AEBP2: variants seen among roughly 807,000 people sequenced by gnomAD.
AEBP2 encodes AE binding protein 2, also known as zinc finger protein AEBP2.
A neutral mutation model predicts 50.8 loss-of-function variants in AEBP2; 10 were observed. The ratio of observed to expected loss-of-function variants is 0.20; its 90% CI spans 0.12 to 0.33. The LOEUF (loss-of-function observed/expected upper bound fraction) is 0.33. AEBP2 is among the 10% of genes least tolerant of loss of function. The pLI is 1.00. For synonymous variants in AEBP2, 296 were observed against 261.3 expected (o/e 1.13, Z -1.28); for missense variants, 570 against 688.0 (o/e 0.83, Z 1.92).
intron 5 of AEBP2, among the ~76,000 whole-genome samples, chr12:19,505,293 A>T (rs1263111427): frequency 6.6e-6 from 1 of 152,236 alleles, no homozygotes; most frequent in African/African-American, 2.4e-5. Flanking sequence ...AGAGTGTGGC[A>T]TCAGAGCTAG....
At chr12:19,476,233 T>C (rs1288864011) in intron 3 of AEBP2, among the ~76,000 whole-genome samples, 1 of 152,232 alleles carries the variant, frequency 6.6e-6, no homozygotes, top group East Asian at 1.9e-4. Flanking sequence ...TTGAGTTGAT[T>C]TTTGTATAAG....
intron 2 of AEBP2, among the ~76,000 whole-genome samples, chr12:19,468,324 CTT>C (rs548002864): frequency 9.9e-5 from 15 of 152,186 alleles, no homozygotes; most frequent in African/African-American, 2.6e-4. Flanking sequence ...TGGTGTCTCT[CTT>C]TTCTTTTTGT....
In AEBP2 at chr12:19,440,002, G is replaced by C. The variant is rs976348631; in HGVS notation, c.303G>C (p.Glu101Asp). The change falls in exon 1 of 8, where the codon GAG (glutamate) becomes GAC (aspartate). Residue 101 changes from glutamate to aspartate, a missense_variant. Physicochemically the swap from Glu to Asp is conservative, Grantham distance 45 (BLOSUM62 2). Coordinates refer to ENST00000266508, the MANE Select transcript of AEBP2 (RefSeq NM_153207.5). ...CCGGGGAGGACGAAGACGAGGAGGA[G>C]GACGACGAGGAGGAGGAAGATGAGA... is the stretch of plus-strand genomic sequence containing the variant. The part of the protein sequence containing the change: ...SQAGEDEDEE[E>D]DDEEEEDESS... 3.0e-5 allele frequency: 46 copies of C among 1,525,390 alleles called. No individual in the cohort carries two copies. The highest frequency in any genetic ancestry group is 2.7e-4 in the African/African-American group (19 of 70,266). 94.5% of individuals were successfully genotyped at this position (1,525,390 alleles called of 1,614,324 possible).
rs767614086 is a variant in AEBP2 at position 19,493,845 on chromosome 12, C to T, written c.1033C>T (p.Leu345=). The change falls in exon 4 of 8, where the codon CTA becomes TTA. Residue 345 remains leucine (L), a synonymous_variant. Transcript: ENST00000266508. ...TGCCAGCTTTGCTTCTCAGGGAGGG[C>T]TAGCTCGTCATGTACCCACACACTT... is the stretch of plus-strand genomic sequence containing the variant. The part of the protein sequence containing the change: ...CNASFASQGG[L]ARHVPTHFSQ... The T allele has an allele frequency of 1.9e-6, 3 of 1,613,712 alleles. No individual in the cohort carries two copies. The highest frequency in any genetic ancestry group is 2.5e-6 in the Non-Finnish European group (3 of 1,179,852).
intron 1 of AEBP2, among the ~76,000 whole-genome samples, chr12:19,455,190 G>C (rs148602570): frequency 3.3e-5 from 5 of 151,414 alleles, no homozygotes; most frequent in African/African-American, 4.8e-5. Flanking sequence ...ACAGGGTCTT[G>C]CTATGTTGCC....
chr12:19,465,231 A>G (rs1368800818), intron 2 of AEBP2, among the ~76,000 whole-genome samples: 1 of 151,660 alleles, frequency 6.6e-6, no homozygotes, highest in African/African-American at 2.4e-5. Context: ...CGTCTCTACT[A>G]AAAAATACAA....
chr12:19,426,039 G>T (rs564005601), intron 1 of AEBP2, among the ~76,000 whole-genome samples: 1 of 152,032 alleles, frequency 6.6e-6, no homozygotes, highest in Non-Finnish European at 1.5e-5. Flanking sequence ...TGGCTCAAGC[G>T]ATCCTCCCAC....
At position 19,518,423 on chromosome 12, in the gene AEBP2, T is replaced by TGCTGCTTTAA. The variant is rs1949350993; in HGVS notation, c.*315_*324dup. On this transcript the variant is annotated 3_prime_UTR_variant, in exon 8 of 8. Coordinates refer to ENST00000266508, the MANE Select transcript of AEBP2 (RefSeq NM_153207.5). ...CAGCTTCTTAAAGGCTTTGCATGCT[T>TGCTGCTTTAA]GCTGCTTTAAGCTGCTTTTTTTTTT... The TGCTGCTTTAA allele has an allele frequency of 8.1e-7, 1 of 1,234,604 alleles. No individual in the cohort carries two copies. The highest frequency in any genetic ancestry group is 1.6e-5 in the African/African-American group (1 of 64,470). 76.5% of individuals were successfully genotyped at this position (1,234,604 alleles called of 1,614,324 possible).
intron 1 of AEBP2, among the ~76,000 whole-genome samples, chr12:19,420,640 T>A (rs1022219686): frequency 6.6e-6 from 1 of 152,316 alleles, no homozygotes; most frequent in East Asian, 1.9e-4. Flanking sequence ...GCTCTTTTTA[T>A]GTAAGTAAAA....
At chr12:19,430,547 A>T (rs941011991) in intron 1 of AEBP2, among the ~76,000 whole-genome samples, 9 of 152,144 alleles carry the variant, frequency 5.9e-5, no homozygotes, top group African/African-American at 1.9e-4. Flanking sequence ...ATGGCATTGA[A>T]TCTATAAATT....
intron 5 of AEBP2, among the ~76,000 whole-genome samples, chr12:19,507,928 G>A (rs1949175048): frequency 6.6e-6 from 1 of 152,102 alleles, no homozygotes; most frequent in African/African-American, 2.4e-5. Context: ...GAAACAATTG[G>A]TTAAAAGAAG....
At chr12:19,453,294 T>C (rs1948200102) in intron 1 of AEBP2, among the ~76,000 whole-genome samples, 2 of 150,500 alleles carry the variant, frequency 1.3e-5, no homozygotes, top group Non-Finnish European at 1.5e-5. Flanking sequence ...CTTAAAAGTT[T>C]TTTTGTAGAG....
chr12:19,459,474 G>A (rs1285383225), intron 1 of AEBP2, among the ~76,000 whole-genome samples: 6 of 152,104 alleles, frequency 3.9e-5, no homozygotes, highest in African/African-American at 1.4e-4. Context: ...CTCGTGATCC[G>A]CCCGCCTCAG....
chr12:19,464,214 C>T (rs1033880905), intron 2 of AEBP2, among the ~76,000 whole-genome samples: 2 of 152,218 alleles, frequency 1.3e-5, no homozygotes, highest in Non-Finnish European at 2.9e-5. Flanking sequence ...GTAACCCAGT[C>T]TTCTCCCCCA....
intron 2 of AEBP2, among the ~76,000 whole-genome samples, chr12:19,463,033 G>C (rs2153370334): frequency 6.6e-6 from 1 of 152,284 alleles, no homozygotes; most frequent in Admixed American, 6.5e-5. Flanking sequence ...AGAACATTTA[G>C]AATTAGCACT....
At chr12:19,459,633 T>C (rs1258396095) in intron 1 of AEBP2, among the ~76,000 whole-genome samples, 1 of 152,228 alleles carries the variant, frequency 6.6e-6, no homozygotes, top group Non-Finnish European at 1.5e-5. Context: ...AATATATGTA[T>C]ATTCAGATAT....
chr12:19,492,776 A>T (rs1948914052), intron 3 of AEBP2, among the ~76,000 whole-genome samples: 1 of 152,032 alleles, frequency 6.6e-6, no homozygotes, highest in African/African-American at 2.4e-5. Context: ...GGACCAGCTT[A>T]CCCAACATGG....
chr12:19,514,217 CT>C (rs1483547040), intron 6 of AEBP2, among the ~76,000 whole-genome samples: 1 of 151,990 alleles, frequency 6.6e-6, no homozygotes, highest in Non-Finnish European at 1.5e-5. Context: ...CCAGTGTGGT[CT>C]TAAACTCCTG....
intron 1 of AEBP2, chr12:19,440,652 G>T: frequency 6.5e-7 from 1 of 1,530,664 alleles, no homozygotes; most frequent in Non-Finnish European, 8.7e-7. Context: ...CTCTAACTCG[G>T]AAACAGTCCC....
Sources: allele counts gnomAD v4.1 joint callset (sites outside exome capture counted in the v4.1 genomes callset), GRCh38; gene constraint gnomAD v4.1.1; transcripts MANE v1.5; gene names NCBI Gene and HGNC (gene_info 2026-07-23, HGNC 2026-07-21).